Variants in VWC2 observed in about 807,000 individuals in gnomAD.
The protein encoded by VWC2 is brorin.
Under a neutral mutation model 29.8 loss-of-function variants are expected in VWC2, and 14 were observed. The observed-to-expected ratio is 0.47, with a 90% CI of 0.31 to 0.74. The LOEUF (loss-of-function observed/expected upper bound fraction) is 0.74, where lower values mean the gene tolerates loss of function less well. Among genes scored for constraint, VWC2 ranks in the 30% least tolerant of loss-of-function variants. The pLI, the probability that VWC2 is intolerant of heterozygous loss-of-function variation, is 0.05. For synonymous variants in VWC2, 213 were observed against 199.0 expected, an observed-to-expected ratio of 1.07 and a Z score of -0.59; for missense variants, 457 against 459.8, an observed-to-expected ratio of 0.99 and a Z score of 0.05.
chr7:49,790,832 A>G (rs1008802493), intron 2 of VWC2, among the ~76,000 whole-genome samples: 5 of 151,984 alleles, frequency 3.3e-5, no homozygotes, highest in African/African-American at 1.2e-4. Flanking sequence ...AAGAAACCTG[A>G]ACAAGGACGG....
intron 3 of VWC2, among the ~76,000 whole-genome samples, chr7:49,826,905 A>T (rs1037531104): frequency 4.7e-4 from 71 of 152,106 alleles, no homozygotes; most frequent in Admixed American, 1.3e-3. Flanking sequence ...ATGCCTTATG[A>T]TAAATTTATG....
chr7:49,808,590 G>T (rs1242221328), intron 3 of VWC2, among the ~76,000 whole-genome samples: 1 of 151,976 alleles, frequency 6.6e-6, no homozygotes, highest in Non-Finnish European at 1.5e-5. Context: ...GCCAAGTGCA[G>T]GTGGACACTG....
intron 2 of VWC2, among the ~76,000 whole-genome samples, chr7:49,790,173 T>A (rs1274920169): frequency 6.6e-6 from 1 of 152,224 alleles, no homozygotes; most frequent in Non-Finnish European, 1.5e-5. Context: ...TTCCTGTTGA[T>A]CTGTATTAAT....
At chr7:49,891,969 T>C (rs1158910599) in intron 3 of VWC2, among the ~76,000 whole-genome samples, 1 of 147,578 alleles carries the variant, frequency 6.8e-6, no homozygotes, top group East Asian at 2.0e-4. Context: ...AATGAAAAGA[T>C]ACAAATACGG....
At chr7:49,838,038 G>A (rs1314681020) in intron 3 of VWC2, among the ~76,000 whole-genome samples, 1 of 152,196 alleles carries the variant, frequency 6.6e-6, no homozygotes, top group East Asian at 1.9e-4. Context: ...GGAAGTCAAT[G>A]CTATCCAGTC....
In VWC2 at chr7:49,904,946, G is replaced by C. The variant is rs533172667; in HGVS notation, c.827-7088G>C. On this transcript the variant is annotated intron_variant, in intron 3 of 3. Transcript: ENST00000340652. Reference sequence around the variant, plus strand: ...AGATGGGGTTTCACCATCTTGGCCAGGCTGGTCTTGAACTCCTGACCTCAT... The same window carrying C: ...AGATGGGGTTTCACCATCTTGGCCACGCTGGTCTTGAACTCCTGACCTCAT... 1.3e-3 allele frequency among the ~76,000 whole-genome samples: 196 copies of C among 152,062 alleles called. 1 individual carries two copies. The highest frequency in any genetic ancestry group is 2.4e-3 in the Non-Finnish European group (165 of 67,972).
At chr7:49,885,611 T>C (rs1197721001) in intron 3 of VWC2, among the ~76,000 whole-genome samples, 1 of 152,236 alleles carries the variant, frequency 6.6e-6, no homozygotes, top group African/African-American at 2.4e-5. Flanking sequence ...GCACAAGATA[T>C]GTTTTTAAGA....
At chr7:49,836,221 T>G (rs1242502823) in intron 3 of VWC2, among the ~76,000 whole-genome samples, 1 of 152,204 alleles carries the variant, frequency 6.6e-6, no homozygotes, top group Non-Finnish European at 1.5e-5. Context: ...CAAACTGAAT[T>G]TTTTTCTACT....
intron 2 of VWC2, 122 bp downstream of exon 2, chr7:49,776,253 T>C: frequency 1.2e-6 from 1 of 843,198 alleles, no homozygotes; most frequent in South Asian, 1.8e-5. Flanking sequence ...TGGAGAGCAC[T>C]GTGCTCACGT....
intron 3 of VWC2, among the ~76,000 whole-genome samples, chr7:49,875,138 G>A (rs1443110064): frequency 2.0e-5 from 3 of 151,188 alleles, no homozygotes; most frequent in Admixed American, 1.3e-4. Flanking sequence ...TTGGGAGGCC[G>A]AGGCAGGCAG....
At position 49,835,376 on chromosome 7, in the gene VWC2, C is replaced by CTAGCTTAA. The variant is rs1174057824; in HGVS notation, c.826+32536_826+32537insTAGCTTAA. On this transcript the variant is annotated intron_variant, in intron 3 of 3. Transcript: ENST00000340652. ...TCTTTCTCAGTATTTAAGCTAGTGA[C>CTAGCTTAA]ACATGTGGGCTTGGGTGCAAATTTT... Among the ~76,000 whole-genome samples the CTAGCTTAA allele has an allele frequency of 7.9e-5, 12 of 152,288 alleles. No homozygotes were observed. The East Asian group carries it at 1.9e-3, about 24-fold the overall frequency.
rs1793854225 is a variant in VWC2, at chr7:49,918,734, A to G, written c.*6549A>G. On this transcript the variant is annotated 3_prime_UTR_variant, in exon 4 of 4. Transcript: ENST00000340652. The stretch of plus-strand genomic sequence containing the variant: ...ATTTATTCATTTTATCAACTCTGCT[A>G]TATTGATGAAGAAGTCAACATATGG... 1 of 152,254 alleles carries G rather than the reference A, an allele frequency of 6.6e-6. No homozygotes were observed. The highest frequency in any genetic ancestry group is 2.4e-5 in the African/African-American group (1 of 41,474). The allele number at this position is 152,254 out of a possible 1,614,324, so 9.4% of individuals were successfully genotyped here.
At chr7:49,858,561 G>T (rs1053892387) in intron 3 of VWC2, among the ~76,000 whole-genome samples, 3 of 137,288 alleles carry the variant, frequency 2.2e-5, no homozygotes, top group African/African-American at 5.4e-5. Flanking sequence ...GTTGTGGGGT[G>T]GGGGAGGGGG....
intron 2 of VWC2, 34 bp downstream of exon 2, chr7:49,776,165 C>T (rs1306035270): frequency 6.8e-7 from 1 of 1,474,166 alleles, no homozygotes; most frequent in Non-Finnish European, 9.0e-7. Flanking sequence ...CGACTTTGCA[C>T]CTTCCAGGAA....
intron 2 of VWC2, among the ~76,000 whole-genome samples, chr7:49,788,756 G>T (rs1371233311): frequency 6.7e-6 from 1 of 148,274 alleles, no homozygotes; most frequent in Non-Finnish European, 1.5e-5. Context: ...GGATGTGGGT[G>T]TGGGGGTGTG....
chr7:49,833,757 C>G lies in VWC2; in HGVS notation c.826+30917C>G, dbSNP rs1173875482. On this transcript the variant is annotated intron_variant, in intron 3 of 3. Coordinates refer to ENST00000340652, the MANE Select transcript of VWC2 (RefSeq NM_198570.5). ...AATCAACCCTGTCCAGTTGGAGGGTCAGTGGTCTCAGATGGCTTGAACCAG... is the reference window on the plus strand; with the variant it reads ...AATCAACCCTGTCCAGTTGGAGGGTGAGTGGTCTCAGATGGCTTGAACCAG... Among the ~76,000 whole-genome samples, 5 of 152,230 alleles carry G rather than the reference C, an allele frequency of 3.3e-5. 1 individual carries two copies. The South Asian group carries it at 1.0e-3, about 32-fold the overall frequency.
intron 3 of VWC2, among the ~76,000 whole-genome samples, chr7:49,900,394 AT>A (rs1232866408): frequency 6.6e-6 from 1 of 151,794 alleles, no homozygotes; most frequent in Non-Finnish European, 1.5e-5. Context: ...TATTGAAAAG[AT>A]TAATAAAAGT....
chr7:49,853,476 C>A (rs1158297935), intron 3 of VWC2, among the ~76,000 whole-genome samples: 1 of 152,106 alleles, frequency 6.6e-6, no homozygotes, highest in East Asian at 1.9e-4. Context: ...CATCTCTGCC[C>A]TCCAGTGTCT....
chr7:49,892,170 G>A (rs1583768512), intron 3 of VWC2, among the ~76,000 whole-genome samples: 1 of 147,632 alleles, frequency 6.8e-6, no homozygotes, highest in South Asian at 2.2e-4. Flanking sequence ...TCAGCCTCCC[G>A]AGTAGCTGGG....
Sources: gnomAD v4.1 joint callset for allele counts (sites outside exome capture counted in the v4.1 genomes callset) on GRCh38, gnomAD v4.1.1 for gene constraint, MANE v1.5 for transcripts, NCBI Gene and HGNC (gene_info 2026-07-23, HGNC 2026-07-21) for gene names.